Variants in GLIS1 observed in about 807,000 individuals in gnomAD.
GLIS1 encodes the protein GLIS family zinc finger 1, also known as zinc finger protein GLIS1.
In GLIS1, 24 loss-of-function variants were observed where a neutral mutation model predicts 63.8. That is an observed-to-expected ratio of 0.38 (90% CI 0.27 to 0.53). The LOEUF is 0.53. GLIS1 is among the 20% of genes least tolerant of loss of function. The probability of loss-of-function intolerance (pLI) is 0.85; values close to 1 mark genes in which losing one functional copy is unlikely to be tolerated. For synonymous variants in GLIS1, 450 were observed against 482.5 expected, an observed-to-expected ratio of 0.93 and a Z score of 0.88; for missense variants, 1,036 against 1,074.1, an observed-to-expected ratio of 0.96 and a Z score of 0.50.
At chr1:53,602,789 G>T (rs937730960) in intron 2 of GLIS1, among the ~76,000 whole-genome samples, 2 of 152,204 alleles carry the variant, frequency 1.3e-5, no homozygotes, top group African/African-American at 2.4e-5. Flanking sequence ...CCCACATCCT[G>T]CTGCCTCTTG....
intron 2 of GLIS1, among the ~76,000 whole-genome samples, chr1:53,651,648 G>A (rs1569988590): frequency 6.6e-6 from 1 of 152,192 alleles, no homozygotes; most frequent in Non-Finnish European, 1.5e-5. Flanking sequence ...GGTGAAGGCA[G>A]GAGGACTGTT....
chr1:53,550,806 C>T (rs144855679), intron 4 of GLIS1, among the ~76,000 whole-genome samples: 2 of 152,246 alleles, frequency 1.3e-5, no homozygotes, highest in African/African-American at 2.4e-5. Context: ...CGAGGGGTGA[C>T]AGGTTCAGAC....
chr1:53,578,194 C>T (rs1307934876), intron 4 of GLIS1, among the ~76,000 whole-genome samples: 1 of 152,198 alleles, frequency 6.6e-6, no homozygotes, highest in Non-Finnish European at 1.5e-5. Flanking sequence ...CTTGCTATAG[C>T]AGCCTGAATC....
At chr1:53,629,950 G>A (rs186749080) in intron 2 of GLIS1, among the ~76,000 whole-genome samples, 6 of 152,270 alleles carry the variant, frequency 3.9e-5, no homozygotes, top group East Asian at 3.9e-4. Context: ...TCGTTCATTC[G>A]TGAATTGGGG....
intron 2 of GLIS1, among the ~76,000 whole-genome samples, chr1:53,622,448 A>AAAAAGAAG (rs1453765493): frequency 7.4e-6 from 1 of 135,412 alleles, no homozygotes; most frequent in Non-Finnish European, 1.6e-5. Context: ...AAAAAAAAAA[A>AAAAAGAAG]AAGAAGAAGA....
chr1:53,576,556 C>A (rs892800523), intron 4 of GLIS1, among the ~76,000 whole-genome samples: 5 of 152,138 alleles, frequency 3.3e-5, no homozygotes. Flanking sequence ...GCCTCTCTGG[C>A]CCCCACCTCC....
chr1:53,534,131 G>C (rs1644559136), intron 4 of GLIS1, among the ~76,000 whole-genome samples: 1 of 151,920 alleles, frequency 6.6e-6, no homozygotes, highest in Non-Finnish European at 1.5e-5. Flanking sequence ...GGCTGGGAGG[G>C]CTGCAGGGAG....
chr1:53,585,756 C>G (rs1476287434), intron 4 of GLIS1, among the ~76,000 whole-genome samples: 1 of 152,220 alleles, frequency 6.6e-6, no homozygotes, highest in East Asian at 1.9e-4. Context: ...AGAGGCCTGG[C>G]TGCAGGCAGG....
At chr1:53,659,935 C>T (rs1341603971) in intron 2 of GLIS1, among the ~76,000 whole-genome samples, 1 of 152,174 alleles carries the variant, frequency 6.6e-6, no homozygotes. Flanking sequence ...GGCACTGGAA[C>T]AAAAAGGCCC....
chr1:53,683,186 C>T (rs1377549892), intron 2 of GLIS1, among the ~76,000 whole-genome samples: 1 of 152,182 alleles, frequency 6.6e-6, no homozygotes, highest in Non-Finnish European at 1.5e-5. Flanking sequence ...ACATTCCTGG[C>T]TCCCCAACCT....
chr1:53,591,805 G>A (rs534942365), intron 4 of GLIS1, among the ~76,000 whole-genome samples: 2 of 152,332 alleles, frequency 1.3e-5, no homozygotes, highest in Admixed American at 6.5e-5. Flanking sequence ...TGTTCTCATG[G>A]GAGCAAGTGG....
In GLIS1 at chr1:53,737,872, G is replaced by T; in HGVS notation, c.193C>A (p.His65Asn). ...GGACTGCGGGGCCGGAGGAGGTCGT[G>T]GGCGCGCGGTGGCGGCGCAGGCGGC... ...ARPPAPPPRAHDLLRPRSPRD... is the reference protein window; with the variant it reads ...ARPPAPPPRANDLLRPRSPRD... Residue 65 changes from histidine to asparagine, a missense_variant, in exon 2 of 11, where the codon CAC (histidine) becomes AAC (asparagine). Coordinates refer to ENST00000628545, the MANE Select transcript of GLIS1 (RefSeq NM_001367484.1). 8.1e-7 allele frequency: 1 copy of T among 1,231,064 alleles called. No individual in the cohort carries two copies. Among genetic ancestry groups the T allele is most frequent in the Non-Finnish European group, 1.0e-6 (1 of 987,502 alleles). 76.3% of individuals were successfully genotyped at this position (1,231,064 alleles called of 1,614,324 possible). A position where few individuals can be genotyped will look rare whatever the true frequency, so the allele number is the denominator to read the frequency against.
intron 2 of GLIS1, among the ~76,000 whole-genome samples, chr1:53,704,079 C>T (rs1646551615): frequency 6.6e-6 from 1 of 152,248 alleles, no homozygotes; most frequent in Non-Finnish European, 1.5e-5. Context: ...ATCAGTGTTG[C>T]CTACTAAACA....
intron 2 of GLIS1, among the ~76,000 whole-genome samples, chr1:53,602,175 T>C (rs190935758): frequency 1.8e-3 from 278 of 152,284 alleles, no homozygotes; most frequent in Admixed American, 4.0e-3. Context: ...AGCTTATGTT[T>C]TAATAACTGG....
At chr1:53,632,816 G>A (rs72896740) in intron 2 of GLIS1, among the ~76,000 whole-genome samples, 2,985 of 147,106 alleles carry the variant, frequency 0.02, 90 homozygotes, top group African/African-American at 0.07. Flanking sequence ...AGTGAGAGAG[G>A]TGTATGAATG....
At chr1:53,671,422 A>G (rs1431802241) in intron 2 of GLIS1, among the ~76,000 whole-genome samples, 1 of 152,228 alleles carries the variant, frequency 6.6e-6, no homozygotes, top group Non-Finnish European at 1.5e-5. Flanking sequence ...ACCACATTCT[A>G]AAAGGAGCTT....
At position 53,594,864 on chromosome 1, in the gene GLIS1, C is replaced by T; in HGVS notation, c.564G>A (p.Arg188=). The T allele has an allele frequency of 3.2e-6, 5 of 1,582,958 alleles. No individual in the cohort carries two copies. The highest frequency in any genetic ancestry group is 4.3e-6 in the Non-Finnish European group (5 of 1,169,630). Residue 188 remains arginine, a synonymous_variant, in exon 4 of 11, where the codon CGG becomes CGA. Transcript: ENST00000628545. ...EARTSLSAHC[R]GPLATGLHPD... ...GGTGCAGGCCAGTGGCCAGCGGGCC[C>T]CGACAGTGGGCAGACAGGGATGTGC... is the stretch of plus-strand genomic sequence containing the variant.
At position 53,619,409 on chromosome 1, in the gene GLIS1, T is replaced by C. The variant is rs374474918; in HGVS notation, c.260-19131A>G. Among the ~76,000 whole-genome samples, 19 of 152,324 alleles carry C rather than the reference T, an allele frequency of 1.2e-4. No individual in the cohort carries two copies. The South Asian group carries it at 3.3e-3, about 27-fold the overall frequency. On this transcript the variant is annotated intron_variant, in intron 2 of 10. Transcript: ENST00000628545. ...AGGCTTCCCTGACCCTGCCACAGGG[T>C]TGGCCATTCCCCACTACAGCCCTTA...
At chr1:53,547,789 G>A (rs2316193) in intron 4 of GLIS1, among the ~76,000 whole-genome samples, 1 of 151,610 alleles carries the variant, frequency 6.6e-6, no homozygotes, top group Non-Finnish European at 1.5e-5. Flanking sequence ...GGCTGTCAGC[G>A]ATCACCAGGA....
Sources: allele counts gnomAD v4.1 joint callset (sites outside exome capture counted in the v4.1 genomes callset), GRCh38; gene constraint gnomAD v4.1.1; transcripts MANE v1.5; gene names NCBI Gene and HGNC (gene_info 2026-07-23, HGNC 2026-07-21).